Variants in TMEM131 observed in about 807,000 individuals in gnomAD.
TMEM131 encodes the protein 2610524E03Rik.
Under a neutral mutation model 211.6 loss-of-function variants are expected in TMEM131, and 66 were observed. The observed-to-expected ratio is 0.31, with a 90% CI of 0.26 to 0.38. TMEM131 has a LOEUF of 0.38. Ranked by LOEUF, TMEM131 falls within the 10% of genes least tolerant of loss-of-function variation. The pLI, the probability that TMEM131 is intolerant of heterozygous loss-of-function variation, is 1.00. For synonymous variants in TMEM131, 844 were observed against 841.3 expected, an observed-to-expected ratio of 1.00 and a Z score of -0.06; for missense variants, 2,036 against 2,299.3, an observed-to-expected ratio of 0.89 and a Z score of 2.34.
chr2:97,782,829 G>A (rs1486512642), intron 31 of TMEM131, among the ~76,000 whole-genome samples: 2 of 151,996 alleles, frequency 1.3e-5, no homozygotes, highest in African/African-American at 2.4e-5. Flanking sequence ...AGGGACCCGT[G>A]TAATTATAAC....
chr2:97,952,244 C>T (rs1045678858), intron 1 of TMEM131, among the ~76,000 whole-genome samples: 4 of 151,854 alleles, frequency 2.6e-5, no homozygotes, highest in Non-Finnish European at 5.9e-5. Context: ...CAGGGACCTC[C>T]AGGGCAATAA....
Position 97,757,107 on chromosome 2 carries a change from C to T in TMEM131, c.5644G>A (p.Glu1882Lys), listed in dbSNP as rs764886341. The T allele has an allele frequency of 6.3e-6, 10 of 1,592,230 alleles. No homozygotes were observed. The highest frequency in any genetic ancestry group is 2.2e-5 in the East Asian group (1 of 44,490). Residue 1882 changes from glutamate (E) to lysine (K), a missense_variant, in exon 41 of 41, where the codon GAG (glutamate) becomes AAG (lysine). Glu to Lys is a moderately conservative substitution (Grantham distance 56). Around this residue, in one of 3 missense-constraint regions of TMEM131, gnomAD observed 1,623 missense variants for 1,805.9 expected, o/e 0.90. Coordinates refer to ENST00000186436, the MANE Select transcript of TMEM131 (RefSeq NM_015348.2). ...TTTGTTTTTTGCTTAATTTAATTCT[C>T]GTGAGGAAAGTGCGAATTAGACCAA... ...DPWSNSHFPH[E>K]N
intron 2 of TMEM131, among the ~76,000 whole-genome samples, chr2:97,918,015 C>T (rs909122299): frequency 1.3e-5 from 2 of 151,564 alleles, no homozygotes; most frequent in Non-Finnish European, 2.9e-5. Flanking sequence ...GGCACGATCT[C>T]GGCTCACTAC....
At chr2:97,926,462 T>A (rs1346663793) in intron 2 of TMEM131, among the ~76,000 whole-genome samples, 1 of 152,220 alleles carries the variant, frequency 6.6e-6, no homozygotes, top group Non-Finnish European at 1.5e-5. Flanking sequence ...CAATTTTACA[T>A]CTATTCAAAA....
Position 97,844,245 on chromosome 2 carries a change from C to A in TMEM131, c.500G>T (p.Gly167Val). The A allele has an allele frequency of 2.3e-6, 3 of 1,287,310 alleles. No homozygotes were observed. The highest frequency in any genetic ancestry group is 4.2e-5 in the South Asian group (2 of 47,250). 79.7% of individuals were successfully genotyped at this position (1,287,310 alleles called of 1,614,324 possible). Reference protein sequence around the residue: ...FFQNRKILPGGNTSFDVVFLA... With the variant: ...FFQNRKILPGVNTSFDVVFLA... Reference sequence around the variant, plus strand: ...AAAAACTACATCAAATGATGTATTTCCTCCTGGAAGAATTTTCTGAAACAG... The same window carrying A: ...AAAAACTACATCAAATGATGTATTTACTCCTGGAAGAATTTTCTGAAACAG... The change falls in exon 6 of 41, where the codon GGA becomes GTA. Residue 167 changes from glycine (G) to valine (V), a missense_variant. By Grantham distance (109) the Gly-to-Val change is moderately radical. This residue lies in a region of TMEM131 where 277 missense variants were observed against 378.0 expected (regional missense o/e 0.73). Coordinates refer to ENST00000186436, the MANE Select transcript of TMEM131 (RefSeq NM_015348.2).
At chr2:97,943,061 G>GA (rs1210244993) in intron 1 of TMEM131, among the ~76,000 whole-genome samples, 27 of 84,598 alleles carry the variant, frequency 3.2e-4, no homozygotes, top group Admixed American at 1.4e-3. Flanking sequence ...AAGAAAGAAA[G>GA]AAAGAAAGAA....
Position 97,766,031 on chromosome 2 carries a change from C to A in TMEM131, c.4723+83G>T, listed in dbSNP as rs532733155. The A allele has an allele frequency of 1.9e-5, 29 of 1,535,954 alleles. No individual in the cohort carries two copies. In the African/African-American group the frequency reaches 3.9e-4, roughly 20 times the overall value. ...ACTGTCAATGGGTATTTTAAAGCAA[C>A]ATGCCCCTGAAGAGTTCCATGCCCA... On this transcript the variant is annotated intron_variant, in intron 35 of 40. Coordinates refer to ENST00000186436, the MANE Select transcript of TMEM131 (RefSeq NM_015348.2).
chr2:97,757,928 C>G (rs926558133), intron 40 of TMEM131, among the ~76,000 whole-genome samples: 1 of 152,090 alleles, frequency 6.6e-6, no homozygotes, highest in African/African-American at 2.4e-5. Context: ...GTCAGGAGAT[C>G]GAGATCATCC....
intron 36 of TMEM131, chr2:97,761,184 C>T (rs998616465): frequency 1.5e-5 from 5 of 342,414 alleles, no homozygotes; most frequent in Non-Finnish European, 2.7e-5. Flanking sequence ...GCAGAGGCTT[C>T]GATCACACTT....
intron 5 of TMEM131, among the ~76,000 whole-genome samples, chr2:97,849,651 T>A (rs1424468436): frequency 6.6e-6 from 1 of 151,188 alleles, no homozygotes; most frequent in African/African-American, 2.4e-5. Context: ...ATAAAATATA[T>A]ATTAAATACA....
intron 1 of TMEM131, among the ~76,000 whole-genome samples, chr2:97,969,265 C>T (rs969907108): frequency 9.2e-5 from 14 of 152,052 alleles, no homozygotes; most frequent in African/African-American, 2.9e-4. Context: ...TATCATAAGG[C>T]CAGCCGCCTA....
intron 33 of TMEM131, among the ~76,000 whole-genome samples, chr2:97,769,278 C>CA (rs1330280654): frequency 5.9e-5 from 9 of 152,232 alleles, no homozygotes; most frequent in Admixed American, 5.9e-4. Flanking sequence ...TGAGCTACCA[C>CA]ACCTGGCTTA....
chr2:97,842,978 C>T (rs976371396), intron 6 of TMEM131, among the ~76,000 whole-genome samples: 1 of 151,410 alleles, frequency 6.6e-6, no homozygotes, highest in Admixed American at 6.6e-5. Flanking sequence ...GCAGAAGACA[C>T]AGTCCTTACT....
Position 97,994,964 on chromosome 2 carries a change from G to A in TMEM131, c.187+512C>T, listed in dbSNP as rs375902686. ...AAGAGTTAAATGGAATTGTATTTAG[G>A]TCTAATAATAAAGTTATCAATAACG... is the stretch of plus-strand genomic sequence containing the variant. On this transcript the variant is annotated intron_variant, in intron 1 of 40. Coordinates refer to ENST00000186436, the MANE Select transcript of TMEM131 (RefSeq NM_015348.2). 7.5e-4 allele frequency among the ~76,000 whole-genome samples: 114 copies of A among 152,292 alleles called. 2 individuals carry two copies. The South Asian group carries it at 0.023, about 31-fold the overall frequency.
At chr2:97,933,350 G>T (rs1048255407) in intron 1 of TMEM131, among the ~76,000 whole-genome samples, 4 of 152,122 alleles carry the variant, frequency 2.6e-5, no homozygotes, top group African/African-American at 9.7e-5. Context: ...AAATATTATA[G>T]TAAGTGAAAT....
At chr2:97,778,168 T>C (rs1313501324) in intron 31 of TMEM131, among the ~76,000 whole-genome samples, 1 of 152,178 alleles carries the variant, frequency 6.6e-6, no homozygotes, top group Non-Finnish European at 1.5e-5. Context: ...AAATATGAAA[T>C]GGCTGGAAAT....
chr2:97,813,414 T>G (rs1032339129), intron 15 of TMEM131, among the ~76,000 whole-genome samples: 4 of 152,230 alleles, frequency 2.6e-5, no homozygotes, highest in Non-Finnish European at 2.9e-5. Flanking sequence ...TATCTAAGCT[T>G]CTTTCATTGA....
chr2:97,995,568 C>T lies in TMEM131; in HGVS notation c.95G>A (p.Ser32Asn). Residue 32 changes from serine (S) to asparagine (N), a missense_variant, in exon 1 of 41, where the codon AGC (serine) becomes AAC (asparagine). Around this residue, in one of 3 missense-constraint regions of TMEM131, gnomAD observed 136 missense variants for 115.4 expected, o/e 1.18. Coordinates refer to ENST00000186436, the MANE Select transcript of TMEM131 (RefSeq NM_015348.2). ...GAGLEPAAAR[S>N]GGPRSAAAGL... ...GGCGGCCGCGCTCCGCGGGCCCCCGCTACGGGCGGCCGCAGGTTCCAGCCC... is the reference window on the plus strand; with the variant it reads ...GGCGGCCGCGCTCCGCGGGCCCCCGTTACGGGCGGCCGCAGGTTCCAGCCC... 1 of 1,307,164 alleles carries T rather than the reference C, an allele frequency of 7.7e-7. No homozygotes were observed. The highest frequency in any genetic ancestry group is 9.7e-7 in the Non-Finnish European group (1 of 1,028,080). 81.0% of individuals were successfully genotyped at this position (1,307,164 alleles called of 1,614,324 possible).
chr2:97,884,080 T>C (rs529812662), intron 4 of TMEM131, among the ~76,000 whole-genome samples: 1 of 152,332 alleles, frequency 6.6e-6, no homozygotes, highest in African/African-American at 2.4e-5. Context: ...TGCCTCTTAA[T>C]ATTGCTTTTG....
Sources: allele counts gnomAD v4.1 joint callset (sites outside exome capture counted in the v4.1 genomes callset), GRCh38; gene constraint gnomAD v4.1.1; regional missense constraint gnomAD v4.1.1; transcripts MANE v1.5; gene names NCBI Gene and HGNC (gene_info 2026-07-23, HGNC 2026-07-21).